The following DSCAM variants were observed in gnomAD, a reference collection of about 807,000 sequenced individuals.
DSCAM encodes cell adhesion molecule DSCAM.
In DSCAM, 47 loss-of-function variants were observed where a neutral mutation model predicts 217.7. That is an observed-to-expected ratio of 0.22 (90% CI 0.17 to 0.28). DSCAM has a LOEUF of 0.28. Among genes scored for constraint, DSCAM ranks in the 10% least tolerant of loss-of-function variants. The probability of loss-of-function intolerance (pLI) is 1.00; values close to 1 mark genes in which losing one functional copy is unlikely to be tolerated. For synonymous variants in DSCAM, 1,056 were observed against 1,015.3 expected (o/e 1.04, Z -0.76); for missense variants, 2,080 against 2,618.3 (o/e 0.79, Z 4.49).
chr21:40,489,726 G>A (rs1425463208), intron 3 of DSCAM, among the ~76,000 whole-genome samples: 39 of 112,136 alleles, frequency 3.5e-4, no homozygotes, highest in Non-Finnish European at 3.3e-4. Flanking sequence ...AGTGAGCCGA[G>A]ATCCCGCCAC....
chr21:40,266,110 A>G (rs745838557), intron 11 of DSCAM, among the ~76,000 whole-genome samples: 2 of 152,212 alleles, frequency 1.3e-5, no homozygotes, highest in Admixed American at 6.5e-5. Flanking sequence ...TGCATCCGAC[A>G]AAGTACTAAT....
At chr21:40,082,709 A>T (rs1448932663) in intron 24 of DSCAM, among the ~76,000 whole-genome samples, 2 of 152,112 alleles carry the variant, frequency 1.3e-5, no homozygotes, top group African/African-American at 4.8e-5. Flanking sequence ...GAAAAAAAAA[A>T]AAAAAAGATC....
chr21:40,241,767 T>C (rs563009413), intron 11 of DSCAM, among the ~76,000 whole-genome samples: 81 of 152,244 alleles, frequency 5.3e-4, no homozygotes, highest in Middle Eastern at 6.8e-3. Context: ...CAATGACAGA[T>C]TGAATAAAGA....
intron 3 of DSCAM, among the ~76,000 whole-genome samples, chr21:40,378,554 A>ATTTTT (rs71186931): frequency 1.3e-4 from 10 of 75,712 alleles, no homozygotes; most frequent in Admixed American, 1.8e-4. Flanking sequence ...ATGAAAACTT[A>ATTTTT]TTTTTTTTTT....
At chr21:40,738,833 A>G (rs970643057) in intron 1 of DSCAM, among the ~76,000 whole-genome samples, 6 of 152,212 alleles carry the variant, frequency 3.9e-5, no homozygotes, top group African/African-American at 1.4e-4. Flanking sequence ...CTGCTTCACT[A>G]CCAAGGCTTG....
At chr21:40,017,607 G>A (rs1173193722) in intron 32 of DSCAM, among the ~76,000 whole-genome samples, 1 of 151,530 alleles carries the variant, frequency 6.6e-6, no homozygotes, top group Non-Finnish European at 1.5e-5. Flanking sequence ...TGTCGCCCAG[G>A]CTGGAGTGCA....
chr21:40,563,460 AAT>A (rs964966810), intron 3 of DSCAM, among the ~76,000 whole-genome samples: 29 of 147,192 alleles, frequency 2.0e-4, no homozygotes, highest in Middle Eastern at 3.6e-3. Context: ...TATATTTTGA[AAT>A]ATATATATAT....
chr21:40,297,976 T>G (rs2073973763), intron 9 of DSCAM, among the ~76,000 whole-genome samples: 1 of 152,190 alleles, frequency 6.6e-6, no homozygotes. Flanking sequence ...TAAGGATTGT[T>G]AAGATGATCA....
At chr21:40,582,878 G>C (rs2076916435) in intron 3 of DSCAM, among the ~76,000 whole-genome samples, 1 of 152,096 alleles carries the variant, frequency 6.6e-6, no homozygotes, top group South Asian at 2.1e-4. Context: ...AGTGGGAACT[G>C]TCCTTTGGTA....
chr21:40,638,218 C>G (rs1458434442), intron 3 of DSCAM, among the ~76,000 whole-genome samples: 1 of 152,036 alleles, frequency 6.6e-6, no homozygotes, highest in Non-Finnish European at 1.5e-5. Flanking sequence ...TGTATTTGCC[C>G]TGCTGTGTAC....
At chr21:40,639,366 AGTTTT>A (rs2089848971) in intron 3 of DSCAM, among the ~76,000 whole-genome samples, 1 of 152,192 alleles carries the variant, frequency 6.6e-6, no homozygotes, top group South Asian at 2.1e-4. Context: ...ATGTGACATT[AGTTTT>A]AAGATCATGT....
intron 32 of DSCAM, among the ~76,000 whole-genome samples, chr21:40,014,417 A>C (rs1452116239): frequency 6.6e-6 from 1 of 151,672 alleles, no homozygotes; most frequent in Non-Finnish European, 1.5e-5. Flanking sequence ...CAAAACAAAC[A>C]AAAAACCCAA....
chr21:40,760,214 C>T (rs2091318965), intron 1 of DSCAM, among the ~76,000 whole-genome samples: 1 of 151,964 alleles, frequency 6.6e-6, no homozygotes, highest in African/African-American at 2.4e-5. Context: ...GACGGGGTTT[C>T]ACCACGTTGG....
At chr21:40,444,200 A>C (rs1351490539) in intron 3 of DSCAM, among the ~76,000 whole-genome samples, 6 of 152,182 alleles carry the variant, frequency 3.9e-5, no homozygotes, top group Non-Finnish European at 8.8e-5. Flanking sequence ...TGGCCAATCT[A>C]TCATTTTTCC....
intron 5 of DSCAM, among the ~76,000 whole-genome samples, chr21:40,352,989 C>T (rs2074649567): frequency 6.6e-6 from 1 of 152,076 alleles, no homozygotes; most frequent in African/African-American, 2.4e-5. Flanking sequence ...TGTTTGAGCC[C>T]CGTACTTTGG....
At chr21:40,126,082 T>C (rs1173287415) in intron 19 of DSCAM, among the ~76,000 whole-genome samples, 1 of 152,214 alleles carries the variant, frequency 6.6e-6, no homozygotes, top group Non-Finnish European at 1.5e-5. Context: ...TGTAAGTTAA[T>C]TAATTACGTA....
At chr21:40,366,824 C>T (rs1417325270) in intron 4 of DSCAM, among the ~76,000 whole-genome samples, 9 of 152,184 alleles carry the variant, frequency 5.9e-5, no homozygotes, top group African/African-American at 2.2e-4. Context: ...TGGGATTGAA[C>T]TGTATGGGCT....
intron 3 of DSCAM, among the ~76,000 whole-genome samples, chr21:40,410,289 T>C (rs1451262716): frequency 6.6e-6 from 1 of 151,858 alleles, no homozygotes; most frequent in East Asian, 1.9e-4. Context: ...TAAACAACAA[T>C]AGAAACTACA....
At chr21:40,473,355 T>C (rs2075905299) in intron 3 of DSCAM, among the ~76,000 whole-genome samples, 1 of 152,174 alleles carries the variant, frequency 6.6e-6, no homozygotes, top group African/African-American at 2.4e-5. Flanking sequence ...ACAAAGCTTA[T>C]TGGGAATCCA....
Sources: allele counts gnomAD v4.1 joint callset (sites outside exome capture counted in the v4.1 genomes callset), GRCh38; gene constraint gnomAD v4.1.1; transcripts MANE v1.5; gene names NCBI Gene and HGNC (gene_info 2026-07-23, HGNC 2026-07-21).